Variants in RPS6KC1 observed in about 807,000 individuals in gnomAD.
RPS6KC1 encodes the protein inactive ribosomal protein S6 kinase delta-1.
A neutral mutation model predicts 103.8 loss-of-function variants in RPS6KC1; 54 were observed. That is an observed-to-expected ratio of 0.52 (90% confidence interval 0.42 to 0.65). RPS6KC1 has a LOEUF of 0.65. Among genes scored for constraint, RPS6KC1 ranks in the 30% least tolerant of loss-of-function variants. The pLI is 0.00. For synonymous variants in RPS6KC1, 439 were observed against 438.7 expected (o/e 1.00, Z -0.01); for missense variants, 1,151 against 1,253.8 (o/e 0.92, Z 1.24).
chr1:213,286,787 G>A, the RPS6KC1 span, among the ~76,000 whole-genome samples: 1 of 152,156 alleles, frequency 6.6e-6, no homozygotes, highest in South Asian at 2.1e-4. Flanking sequence ...CAATCAGACA[G>A]GAGCCTCCTG....
At chr1:213,285,063 C>T in the RPS6KC1 span, among the ~76,000 whole-genome samples, 2 of 152,162 alleles carry the variant, frequency 1.3e-5, no homozygotes, top group Non-Finnish European at 2.9e-5. Flanking sequence ...TATAACAAAG[C>T]GCCATAGACT....
chr1:213,437,579 C>G, the RPS6KC1 span, among the ~76,000 whole-genome samples: 1 of 151,946 alleles, frequency 6.6e-6, no homozygotes, highest in African/African-American at 2.4e-5. Context: ...GAAAAATTAA[C>G]AGATAAGGAT....
At chr1:213,629,440 A>G in the RPS6KC1 span, among the ~76,000 whole-genome samples, 2 of 151,990 alleles carry the variant, frequency 1.3e-5, no homozygotes, top group Admixed American at 1.3e-4. Flanking sequence ...TGCTTGGTAG[A>G]TCTTCCTCCA....
chr1:213,625,443 T>A, the RPS6KC1 span, among the ~76,000 whole-genome samples: 1 of 149,678 alleles, frequency 6.7e-6, no homozygotes, highest in African/African-American at 2.5e-5. Flanking sequence ...TTTTTTTTTA[T>A]TATACTTTAA....
intron 6 of RPS6KC1, among the ~76,000 whole-genome samples, chr1:213,134,181 G>A: frequency 6.6e-6 from 1 of 152,008 alleles, no homozygotes; most frequent in Non-Finnish European, 1.5e-5. Flanking sequence ...TGATTTTGTA[G>A]TGTATATCTT....
the RPS6KC1 span, among the ~76,000 whole-genome samples, chr1:213,304,069 A>G: frequency 2.7e-5 from 4 of 150,146 alleles, no homozygotes; most frequent in Non-Finnish European, 4.5e-5. Flanking sequence ...AGCCGGGCGT[A>G]GTGGCGGGCG....
the RPS6KC1 span, among the ~76,000 whole-genome samples, chr1:213,723,062 C>T: frequency 3.3e-4 from 51 of 152,240 alleles, no homozygotes; most frequent in African/African-American, 9.6e-4. Context: ...TGCCTGTAGT[C>T]CCAGCTACTC....
At chr1:213,355,715 ATCT>A in the RPS6KC1 span, among the ~76,000 whole-genome samples, 1 of 152,166 alleles carries the variant, frequency 6.6e-6, no homozygotes, top group Admixed American at 6.5e-5. Context: ...AAATTGGATG[ATCT>A]TCTATGTAAC....
intron 12 of RPS6KC1, among the ~76,000 whole-genome samples, chr1:213,248,461 C>T (rs991897149): frequency 1.3e-5 from 2 of 152,150 alleles, no homozygotes; most frequent in Non-Finnish European, 2.9e-5. Context: ...TTCAGGAGAA[C>T]CAGTTAATTT....
chr1:213,251,798 C>A (rs1233250349), intron 12 of RPS6KC1, among the ~76,000 whole-genome samples: 2 of 152,178 alleles, frequency 1.3e-5, no homozygotes, highest in Non-Finnish European at 2.9e-5. Flanking sequence ...ATTTATTCAA[C>A]AAACATTTAT....
chr1:213,490,957 G>A, the RPS6KC1 span, among the ~76,000 whole-genome samples: 1 of 152,128 alleles, frequency 6.6e-6, no homozygotes, highest in South Asian at 2.1e-4. Context: ...AAGGATCCTG[G>A]AAACATTGTC....
chr1:213,847,852 C>T, the RPS6KC1 span, among the ~76,000 whole-genome samples: 1 of 152,086 alleles, frequency 6.6e-6, no homozygotes, highest in African/African-American at 2.4e-5. Flanking sequence ...CTCAAATTTC[C>T]CAGTGTCCTA....
At chr1:213,688,702 T>A in the RPS6KC1 span, among the ~76,000 whole-genome samples, 1 of 152,254 alleles carries the variant, frequency 6.6e-6, no homozygotes, top group African/African-American at 2.4e-5. Context: ...CTTAAAAGAA[T>A]GTATCTGTGA....
the RPS6KC1 span, among the ~76,000 whole-genome samples, chr1:213,622,005 C>T: frequency 6.6e-6 from 1 of 152,142 alleles, no homozygotes; most frequent in Non-Finnish European, 1.5e-5. Flanking sequence ...CCCCTCCAAG[C>T]CTCTTCCTTC....
the RPS6KC1 span, among the ~76,000 whole-genome samples, chr1:213,792,729 C>T: frequency 2.8e-4 from 42 of 152,292 alleles, no homozygotes; most frequent in African/African-American, 8.7e-4. Context: ...AGAGTTAATA[C>T]TGTAAAGCAT....
At chr1:213,781,311 A>C in the RPS6KC1 span, among the ~76,000 whole-genome samples, 2 of 152,026 alleles carry the variant, frequency 1.3e-5, no homozygotes, top group African/African-American at 2.4e-5. Flanking sequence ...TGAAGCCTTC[A>C]GAGGGAGCTC....
chr1:213,219,528 T>C (rs1042619280), intron 8 of RPS6KC1, among the ~76,000 whole-genome samples: 2 of 152,176 alleles, frequency 1.3e-5, no homozygotes, highest in Non-Finnish European at 2.9e-5. Flanking sequence ...CAAAGGATTA[T>C]AACACATGCT....
At chr1:213,778,564 T>C in the RPS6KC1 span, among the ~76,000 whole-genome samples, 1 of 152,172 alleles carries the variant, frequency 6.6e-6, no homozygotes, top group Non-Finnish European at 1.5e-5. Flanking sequence ...ATCCTTTTTT[T>C]TCTTTTTTTC....
At chr1:213,349,495 G>A in the RPS6KC1 span, among the ~76,000 whole-genome samples, 2 of 152,126 alleles carry the variant, frequency 1.3e-5, no homozygotes, top group Non-Finnish European at 2.9e-5. Context: ...GGGTTTGCTC[G>A]AGTTGCTGCA....
Sources: gnomAD v4.1 joint callset for allele counts (sites outside exome capture counted in the v4.1 genomes callset) on GRCh38, gnomAD v4.1.1 for gene constraint, MANE v1.5 for transcripts, NCBI Gene and HGNC (gene_info 2026-07-23, HGNC 2026-07-21) for gene names.